Variants in SLIT3 observed in about 807,000 individuals in gnomAD.
SLIT3 encodes the protein slit guidance ligand 3, also known as slit homolog 3 protein.
Under a neutral mutation model 184.0 loss-of-function variants are expected in SLIT3, and 68 were observed. That is an observed-to-expected ratio of 0.37 (90% CI 0.30 to 0.45). The LOEUF is 0.45. Among genes scored for constraint, SLIT3 ranks in the 20% least tolerant of loss-of-function variants. The pLI, the probability that SLIT3 is intolerant of heterozygous loss-of-function variation, is 1.00. For synonymous variants in SLIT3, 831 were observed against 828.6 expected (o/e 1.00, Z -0.05); for missense variants, 1,707 against 2,026.0 (o/e 0.84, Z 3.02).
intron 4 of SLIT3, among the ~76,000 whole-genome samples, chr5:169,025,778 C>A (rs1194731778): frequency 1.3e-5 from 2 of 151,734 alleles, no homozygotes; most frequent in East Asian, 1.9e-4. Context: ...GATAGTTCAT[C>A]AAAAAAAAGT....
At chr5:169,181,491 C>T (rs545915626) in intron 4 of SLIT3, among the ~76,000 whole-genome samples, 1 of 152,092 alleles carries the variant, frequency 6.6e-6, no homozygotes, top group Non-Finnish European at 1.5e-5. Flanking sequence ...CCTGTAATCC[C>T]AACACTTTGG....
chr5:169,245,259 T>C (rs953668375), intron 2 of SLIT3, among the ~76,000 whole-genome samples: 1 of 152,036 alleles, frequency 6.6e-6, no homozygotes, highest in African/African-American at 2.4e-5. Flanking sequence ...CAGGAACTCC[T>C]CTCACTGAGA....
At chr5:169,075,579 T>G (rs1057061375) in intron 4 of SLIT3, among the ~76,000 whole-genome samples, 1 of 152,192 alleles carries the variant, frequency 6.6e-6, no homozygotes, top group Non-Finnish European at 1.5e-5. Flanking sequence ...GTATAAGAGC[T>G]TTCTTCAAGG....
intron 28 of SLIT3, 24 bp from the exon 29 acceptor site, chr5:168,692,724 T>C: frequency 2.6e-6 from 4 of 1,566,286 alleles, no homozygotes; most frequent in Non-Finnish European, 3.5e-6. Context: ...GGGAGATAGC[T>C]CAGGCCTCAG....
chr5:169,044,432 G>T (rs988338191), intron 4 of SLIT3, among the ~76,000 whole-genome samples: 11 of 152,180 alleles, frequency 7.2e-5, no homozygotes, highest in African/African-American at 2.7e-4. Context: ...ATCGATACAT[G>T]CTGCATTACA....
chr5:168,968,015 C>T, intron 4 of SLIT3, among the ~76,000 whole-genome samples: 1 of 152,198 alleles, frequency 6.6e-6, no homozygotes, highest in East Asian at 1.9e-4. Flanking sequence ...AAATTCCTTC[C>T]TCATGGCTCT....
intron 7 of SLIT3, among the ~76,000 whole-genome samples, chr5:168,820,176 C>T (rs1267712542): frequency 6.6e-6 from 1 of 152,164 alleles, no homozygotes; most frequent in Non-Finnish European, 1.5e-5. Context: ...ATTTTAATTA[C>T]TTTCAATAGT....
chr5:168,692,737 A>C, intron 28 of SLIT3, 37 bp from the exon 29 acceptor site: 3 of 1,508,438 alleles, frequency 2.0e-6, no homozygotes, highest in Non-Finnish European at 2.8e-6. Flanking sequence ...GGCCTCAGGC[A>C]GGGTAGGGAT....
At chr5:169,256,926 T>G (rs1765979873) in intron 1 of SLIT3, among the ~76,000 whole-genome samples, 1 of 152,070 alleles carries the variant, frequency 6.6e-6, no homozygotes, top group Non-Finnish European at 1.5e-5. Flanking sequence ...ACCTATGATG[T>G]TAGGTTACTA....
chr5:169,089,261 G>A lies in SLIT3; in HGVS notation c.413+104218C>T, dbSNP rs575006629. The stretch of plus-strand genomic sequence containing the variant: ...CCACTGTGTGTAAGGACCTCTTTGG[G>A]AGGTGGAGAGTGACAGGTCTCTTTG... On this transcript the variant is annotated intron_variant, in intron 4 of 35. Transcript: ENST00000519560. Among the ~76,000 whole-genome samples, 125 of 152,158 alleles carry A rather than the reference G, an allele frequency of 8.2e-4. 1 individual carries two copies. Among genetic ancestry groups the A allele is most frequent in the African/African-American group, 2.9e-3 (121 of 41,496 alleles).
At chr5:169,220,553 A>T (rs1764586275) in intron 3 of SLIT3, among the ~76,000 whole-genome samples, 1 of 152,140 alleles carries the variant, frequency 6.6e-6, no homozygotes, top group African/African-American at 2.4e-5. Context: ...CTCTCTCATA[A>T]GTTTGTATAA....
At chr5:168,826,372 A>G (rs1757704850) in intron 6 of SLIT3, among the ~76,000 whole-genome samples, 1 of 152,200 alleles carries the variant, frequency 6.6e-6, no homozygotes, top group Non-Finnish European at 1.5e-5. Flanking sequence ...TCGTTTCCCT[A>G]ATAAACACAG....
At chr5:168,685,020 G>A (rs1458019558) in intron 31 of SLIT3, among the ~76,000 whole-genome samples, 6 of 152,078 alleles carry the variant, frequency 3.9e-5, no homozygotes, top group African/African-American at 9.7e-5. Flanking sequence ...GCATGACCTC[G>A]GCTTACTGCA....
At position 169,293,775 on chromosome 5, in the gene SLIT3, A is replaced by G. The variant is rs192030426; in HGVS notation, c.197+6738T>C. Among the ~76,000 whole-genome samples the G allele has an allele frequency of 3.7e-4, 57 of 152,250 alleles. 1 individual carries two copies. In the East Asian group the frequency reaches 8.7e-3, roughly 23 times the overall value. On this transcript the variant is annotated intron_variant, in intron 1 of 35. Transcript: ENST00000519560. ...TGCACGCTTTGGCCAATTTTTTTCC[A>G]GGGTTTCACTGTATCAAACATGGTA...
intron 1 of SLIT3, among the ~76,000 whole-genome samples, chr5:169,254,055 G>T (rs1450863655): frequency 6.6e-6 from 1 of 152,196 alleles, no homozygotes; most frequent in Non-Finnish European, 1.5e-5. Flanking sequence ...CAGGGAGCAC[G>T]TGGGCTTTGA....
At chr5:168,690,732 G>A (rs1761882831) in intron 29 of SLIT3, among the ~76,000 whole-genome samples, 1 of 152,196 alleles carries the variant, frequency 6.6e-6, no homozygotes, top group Non-Finnish European at 1.5e-5. Context: ...GAGGGGGCAT[G>A]GGGCAGATGA....
At chr5:169,236,478 GT>G (rs56961775) in intron 3 of SLIT3, among the ~76,000 whole-genome samples, 29,881 of 143,448 alleles carry the variant, frequency 0.21, 3,455 homozygotes, top group East Asian at 0.43. Context: ...GTTTTGTTTT[GT>G]TTTTTTTTTT....
At chr5:168,853,521 C>G (rs1236192650) in intron 5 of SLIT3, among the ~76,000 whole-genome samples, 1 of 152,172 alleles carries the variant, frequency 6.6e-6, no homozygotes, top group Non-Finnish European at 1.5e-5. Context: ...GTAGCAATCA[C>G]AAAACCATCA....
At chr5:169,287,611 G>A (rs1336007495) in intron 1 of SLIT3, among the ~76,000 whole-genome samples, 1 of 152,160 alleles carries the variant, frequency 6.6e-6, no homozygotes, top group Admixed American at 6.5e-5. Flanking sequence ...ATGATCTCCA[G>A]TGATACCTCA....
Sources: allele counts gnomAD v4.1 joint callset (sites outside exome capture counted in the v4.1 genomes callset), GRCh38; gene constraint gnomAD v4.1.1; transcripts MANE v1.5; gene names NCBI Gene and HGNC (gene_info 2026-07-23, HGNC 2026-07-21).